PDE4D: variants seen among roughly 807,000 people sequenced by gnomAD.
PDE4D encodes 3',5'-cyclic-AMP phosphodiesterase 4D.
In PDE4D, 24 loss-of-function variants were observed where a neutral mutation model predicts 87.4. The observed-to-expected ratio is 0.27, with a 90% CI of 0.20 to 0.39. The LOEUF (loss-of-function observed/expected upper bound fraction) is 0.39. Among genes scored for constraint, PDE4D ranks in the 10% least tolerant of loss-of-function variants. The probability of loss-of-function intolerance (pLI) is 1.00; values close to 1 mark genes in which losing one functional copy is unlikely to be tolerated. For synonymous variants in PDE4D, 384 were observed against 383.2 expected (o/e 1.00, Z -0.02); for missense variants, 714 against 1,041.0 (o/e 0.69, Z 4.32).
chr5:59,708,631 A>G (rs1206960025), intron 1 of PDE4D, among the ~76,000 whole-genome samples: 2 of 152,176 alleles, frequency 1.3e-5, no homozygotes, highest in African/African-American at 4.8e-5. Flanking sequence ...TACATTAGAC[A>G]TGATGGCTTA....
intron 1 of PDE4D, among the ~76,000 whole-genome samples, chr5:59,360,540 G>A (rs999550301): frequency 3.9e-5 from 6 of 152,052 alleles, no homozygotes; most frequent in South Asian, 4.2e-4. Flanking sequence ...GTTTGATAAC[G>A]GGGCTTGTGT....
At chr5:59,263,187 C>G (rs1479825714) in intron 1 of PDE4D, among the ~76,000 whole-genome samples, 1 of 151,960 alleles carries the variant, frequency 6.6e-6, no homozygotes, top group Non-Finnish European at 1.5e-5. Flanking sequence ...GAAGAACTCA[C>G]TGTTCTACTT....
chr5:60,483,277 C>T (rs570989049), intron 1 of PDE4D, among the ~76,000 whole-genome samples: 2 of 152,286 alleles, frequency 1.3e-5, no homozygotes, highest in African/African-American at 2.4e-5. Flanking sequence ...GATCCTCCCA[C>T]CTCAGCATCC....
At chr5:59,390,760 A>G (rs906389388) in intron 1 of PDE4D, among the ~76,000 whole-genome samples, 1 of 152,150 alleles carries the variant, frequency 6.6e-6, no homozygotes, top group Non-Finnish European at 1.5e-5. Flanking sequence ...GAGGCGGCAA[A>G]TAACATAAGA....
chr5:59,611,761 G>C (rs980818873), intron 1 of PDE4D, among the ~76,000 whole-genome samples: 2 of 152,110 alleles, frequency 1.3e-5, no homozygotes, highest in Non-Finnish European at 1.5e-5. Flanking sequence ...CTTAAATGAA[G>C]TCCTAGAATG....
intron 1 of PDE4D, among the ~76,000 whole-genome samples, chr5:59,692,094 T>A (rs1751045923): frequency 6.6e-6 from 1 of 152,162 alleles, no homozygotes; most frequent in Non-Finnish European, 1.5e-5. Flanking sequence ...TACCTATTCA[T>A]GTGGGAAAAG....
intron 1 of PDE4D, among the ~76,000 whole-genome samples, chr5:59,520,465 A>T (rs1286694794): frequency 6.6e-6 from 1 of 152,188 alleles, no homozygotes; most frequent in Non-Finnish European, 1.5e-5. Context: ...AGAGGAAAGA[A>T]GGCTCACAGT....
At chr5:59,718,027 T>C (rs73758868) in intron 1 of PDE4D, among the ~76,000 whole-genome samples, 10,211 of 152,232 alleles carry the variant, frequency 0.067, 1,061 homozygotes, top group African/African-American at 0.22. Context: ...ACTGTTGGTT[T>C]GGTATAGACT....
At chr5:59,771,021 A>G (rs910075893) in intron 1 of PDE4D, among the ~76,000 whole-genome samples, 1 of 151,932 alleles carries the variant, frequency 6.6e-6, no homozygotes. Flanking sequence ...GTCCCAGGCT[A>G]CTCAGGAGGC....
chr5:59,227,932 C>T (rs1273972526), intron 1 of PDE4D, among the ~76,000 whole-genome samples: 1 of 152,062 alleles, frequency 6.6e-6, no homozygotes, highest in African/African-American at 2.4e-5. Flanking sequence ...AATCATTCTA[C>T]CATAAAGATA....
At chr5:59,286,793 T>C (rs1009963607) in intron 1 of PDE4D, among the ~76,000 whole-genome samples, 1 of 152,190 alleles carries the variant, frequency 6.6e-6, no homozygotes, top group African/African-American at 2.4e-5. Flanking sequence ...TTCATTAAAA[T>C]AAAATACAAT....
chr5:59,835,047 C>T (rs548151075), intron 1 of PDE4D, among the ~76,000 whole-genome samples: 3 of 152,084 alleles, frequency 2.0e-5, no homozygotes, highest in Non-Finnish European at 4.4e-5. Context: ...AGCTTTGTAC[C>T]AGTGAACAGA....
intron 1 of PDE4D, among the ~76,000 whole-genome samples, chr5:59,627,710 T>A (rs998503517): frequency 6.6e-6 from 1 of 152,212 alleles, no homozygotes; most frequent in Admixed American, 6.5e-5. Context: ...AAAATATAGA[T>A]TGTTATTCAT....
chr5:59,681,437 G>A (rs1276421205), intron 1 of PDE4D, among the ~76,000 whole-genome samples: 2 of 152,114 alleles, frequency 1.3e-5, no homozygotes, highest in African/African-American at 2.4e-5. Context: ...TTTCCCCTTA[G>A]CAAACCACTA....
At chr5:60,013,032 T>C (rs1765165395) in intron 2 of PDE4D, among the ~76,000 whole-genome samples, 1 of 152,186 alleles carries the variant, frequency 6.6e-6, no homozygotes, top group Non-Finnish European at 1.5e-5. Context: ...ATCTAATTCT[T>C]GTTTTCCTGG....
chr5:60,415,447 G>A (rs1420016791), intron 1 of PDE4D, among the ~76,000 whole-genome samples: 1 of 152,240 alleles, frequency 6.6e-6, no homozygotes, highest in Non-Finnish European at 1.5e-5. Context: ...CTTGCGGGGA[G>A]GTGTGGAGGG....
chr5:60,186,645 T>C (rs1037555813), intron 1 of PDE4D, among the ~76,000 whole-genome samples: 1 of 152,132 alleles, frequency 6.6e-6, no homozygotes, highest in South Asian at 2.1e-4. Flanking sequence ...TGTAGGCTGA[T>C]GCTAACAGCA....
At chr5:59,882,273 G>A (rs1749534616) in intron 1 of PDE4D, among the ~76,000 whole-genome samples, 1 of 152,160 alleles carries the variant, frequency 6.6e-6, no homozygotes, top group Admixed American at 6.5e-5. Flanking sequence ...TTTCTGGACA[G>A]TAGAGACCCC....
Position 59,913,462 on chromosome 5 carries a change from A to C in PDE4D, c.272+75026T>G, listed in dbSNP as rs144534460. ...TAAATTACACATTCATAAGACTTCC[A>C]TTGGAGAGAGAAAAAGGAAGATATA... is the stretch of plus-strand genomic sequence containing the variant. On this transcript the variant is annotated intron_variant, in intron 3 of 16. Coordinates refer to the PDE4D transcript ENST00000502484. Among the ~76,000 whole-genome samples the C allele has an allele frequency of 4.4e-4, 67 of 152,318 alleles. 1 individual carries two copies. In the East Asian group the frequency reaches 0.011, roughly 24 times the overall value.
Sources: allele counts gnomAD v4.1 joint callset (sites outside exome capture counted in the v4.1 genomes callset), GRCh38; gene constraint gnomAD v4.1.1; transcripts MANE v1.5; gene names NCBI Gene and HGNC (gene_info 2026-07-23, HGNC 2026-07-21).